GPC6: variants seen among roughly 807,000 people sequenced by gnomAD.
GPC6 encodes glypican-6.
Under a neutral mutation model 55.2 loss-of-function variants are expected in GPC6, and 14 were observed. The ratio of observed to expected loss-of-function variants is 0.25; its 90% CI spans 0.17 to 0.40. The LOEUF (loss-of-function observed/expected upper bound fraction) is 0.40, where lower values mean the gene tolerates loss of function less well. GPC6 is among the 10% of genes least tolerant of loss of function. The pLI is 1.00. For missense variants in GPC6, 641 were observed against 708.5 expected (o/e 0.90, Z 1.08); for synonymous variants, 278 against 259.6 (o/e 1.07, Z -0.68).
intron 2 of GPC6, among the ~76,000 whole-genome samples, chr13:93,753,166 C>T (rs115901562): frequency 2.6e-5 from 4 of 152,226 alleles, no homozygotes; most frequent in African/African-American, 7.2e-5. Flanking sequence ...AGTAAGAGAC[C>T]CTGTTACTTC....
rs528953008 is a variant in GPC6 at position 93,731,597 on chromosome 13, A to G, written c.320-98557A>G. Among the ~76,000 whole-genome samples the G allele has an allele frequency of 4.6e-5, 7 of 152,286 alleles. No homozygotes were observed. In the South Asian group the frequency reaches 1.2e-3, roughly 27 times the overall value. ...ATTGTATATACTAAGGATAGTTACTAAAGTATTCACTTTTTCAGTCATGTG... is the reference window on the plus strand; with the variant it reads ...ATTGTATATACTAAGGATAGTTACTGAAGTATTCACTTTTTCAGTCATGTG... On this transcript the variant is annotated intron_variant, in intron 2 of 8. Transcript: ENST00000377047.
intron 1 of GPC6, among the ~76,000 whole-genome samples, chr13:93,261,914 ATCTC>A (rs1229758478): frequency 7.2e-6 from 1 of 138,844 alleles, no homozygotes. Flanking sequence ...TTTATCTCCT[ATCTC>A]TCCCTCTACA....
intron 5 of GPC6, among the ~76,000 whole-genome samples, chr13:94,300,746 G>A (rs1391106262): frequency 6.6e-6 from 1 of 152,186 alleles, no homozygotes; most frequent in South Asian, 2.1e-4. Flanking sequence ...CAGCGGTCAG[G>A]AGGTGGTAAT....
At chr13:94,114,682 G>A (rs1235006898) in intron 4 of GPC6, among the ~76,000 whole-genome samples, 2 of 152,084 alleles carry the variant, frequency 1.3e-5, no homozygotes, top group East Asian at 3.9e-4. Context: ...TACCATTGAA[G>A]CTTACATATT....
intron 2 of GPC6, among the ~76,000 whole-genome samples, chr13:93,661,142 G>T (rs1420722867): frequency 6.6e-6 from 1 of 152,130 alleles, no homozygotes; most frequent in Non-Finnish European, 1.5e-5. Context: ...GATGATACAA[G>T]CTTAATAGTG....
intron 1 of GPC6, among the ~76,000 whole-genome samples, chr13:93,277,725 T>G (rs2139062972): frequency 6.6e-6 from 1 of 152,328 alleles, no homozygotes; most frequent in Non-Finnish European, 1.5e-5. Context: ...GACATAACTT[T>G]ATTGTGGTAA....
chr13:93,415,832 G>A (rs1193931081), intron 1 of GPC6, among the ~76,000 whole-genome samples: 3 of 151,942 alleles, frequency 2.0e-5, no homozygotes, highest in East Asian at 1.9e-4. Context: ...CTATTGGTAC[G>A]TGCATCTTTT....
chr13:93,961,515 A>G (rs1189855658), intron 3 of GPC6, among the ~76,000 whole-genome samples: 1 of 152,242 alleles, frequency 6.6e-6, no homozygotes, highest in Non-Finnish European at 1.5e-5. Context: ...TCCAAAAGAA[A>G]AAAGATTCAT....
At chr13:93,765,310 T>TAAGCTGTCTGAAAAGACAAC (rs1361108806) in intron 2 of GPC6, among the ~76,000 whole-genome samples, 1 of 38,418 alleles carries the variant, frequency 2.6e-5, no homozygotes, top group Non-Finnish European at 5.4e-5. Context: ...AGACAACTTA[T>TAAGCTGTCTGAAAAGACAAC]TTGGTTTAAG....
intron 1 of GPC6, among the ~76,000 whole-genome samples, chr13:93,401,155 CGTGTGTGT>C (rs5805802): frequency 0.031 from 4,420 of 143,386 alleles, 105 homozygotes; most frequent in African/African-American, 0.064. Flanking sequence ...AGGTATTTGT[CGTGTGTGT>C]GTGTGTGTGT....
chr13:94,293,865 T>C (rs192025968), intron 5 of GPC6, among the ~76,000 whole-genome samples: 2 of 152,266 alleles, frequency 1.3e-5, no homozygotes, highest in Admixed American at 1.3e-4. Flanking sequence ...CAGCACCAGA[T>C]AGACTTCAGC....
chr13:94,292,387 A>G (rs1349650719), intron 5 of GPC6, among the ~76,000 whole-genome samples: 1 of 152,182 alleles, frequency 6.6e-6, no homozygotes, highest in Non-Finnish European at 1.5e-5. Context: ...CAAAACCTGC[A>G]ATGAGAAGGT....
chr13:94,363,328 A>G (rs1879142821), intron 6 of GPC6, among the ~76,000 whole-genome samples: 1 of 152,298 alleles, frequency 6.6e-6, no homozygotes. Flanking sequence ...TGGATGGAAC[A>G]TGTTCCCATT....
intron 2 of GPC6, among the ~76,000 whole-genome samples, chr13:93,575,869 G>A (rs892503960): frequency 6.6e-6 from 1 of 151,968 alleles, no homozygotes; most frequent in Non-Finnish European, 1.5e-5. Context: ...TTTTAAGGGA[G>A]TCTCCAATCT....
rs374417292 is a variant in GPC6, at chr13:93,809,515, C to G, written c.320-20639C>G. 7.5e-4 allele frequency among the ~76,000 whole-genome samples: 114 copies of G among 152,280 alleles called. 3 individuals are homozygous for G. The South Asian group carries it at 0.022, about 29-fold the overall frequency. ...GTAATTCATAAGCAAGACACCCTTC[C>G]TCCCTAAATGAGGTACCTTTGGCAG... On this transcript the variant is annotated intron_variant, in intron 2 of 8. Coordinates refer to ENST00000377047, the MANE Select transcript of GPC6 (RefSeq NM_005708.5).
At chr13:93,221,282 C>G in the GPC6 span, among the ~76,000 whole-genome samples, 1 of 152,102 alleles carries the variant, frequency 6.6e-6, no homozygotes, top group Admixed American at 6.5e-5. Flanking sequence ...TTTTTATTGT[C>G]TAAGTTTCTG....
rs374049738 is a variant in GPC6, at chr13:93,830,433, T to C, written c.599T>C (p.Phe200Ser). The change falls in exon 3 of 9, where the codon TTT becomes TCT. Residue 200 changes from phenylalanine to serine, a missense_variant. By Grantham distance (155) the Phe-to-Ser change is radical. Transcript: ENST00000377047. ...VSKYTDQLKP[F>S]GDVPRKLKIQ... ...AAATACACTGACCAGCTCAAGCCAT[T>C]TGGAGACGTGCCCCGGAAACTGAAG... The C allele has an allele frequency of 6.2e-7, 1 of 1,613,886 alleles. No homozygotes were observed.
chr13:93,719,946 G>A (rs978322812), intron 2 of GPC6, among the ~76,000 whole-genome samples: 1 of 152,080 alleles, frequency 6.6e-6, no homozygotes, highest in Non-Finnish European at 1.5e-5. Context: ...CTTGATCATG[G>A]TGGATAAGCT....
intron 2 of GPC6, among the ~76,000 whole-genome samples, chr13:93,572,949 T>C (rs1350964313): frequency 6.6e-6 from 1 of 152,108 alleles, no homozygotes; most frequent in Non-Finnish European, 1.5e-5. Context: ...GCAGGTCAGT[T>C]AAGATGAAAT....
Sources: allele counts gnomAD v4.1 joint callset (sites outside exome capture counted in the v4.1 genomes callset), GRCh38; gene constraint gnomAD v4.1.1; transcripts MANE v1.5; gene names NCBI Gene and HGNC (gene_info 2026-07-23, HGNC 2026-07-21).